The following EIF5 variants were observed in gnomAD, a reference collection of about 807,000 sequenced individuals.
EIF5 encodes the protein eukaryotic translation initiation factor 5.
In EIF5, 10 loss-of-function variants were observed where a neutral mutation model predicts 48.3. The observed-to-expected ratio is 0.21, with a 90% confidence interval of 0.13 to 0.35. The LOEUF (loss-of-function observed/expected upper bound fraction) is 0.35, where lower values mean the gene tolerates loss of function less well. Among genes scored for constraint, EIF5 ranks in the 10% least tolerant of loss-of-function variants. The pLI, the probability that EIF5 is intolerant of heterozygous loss-of-function variation, is 1.00. For synonymous variants in EIF5, 237 were observed against 173.1 expected (o/e 1.37, Z -2.90); for missense variants, 397 against 533.2 (o/e 0.74, Z 2.51).
intron 7 of EIF5, 126 bp from the exon 8 acceptor site, chr14:103,338,609 T>C: frequency 4.6e-6 from 7 of 1,506,052 alleles, no homozygotes; most frequent in Non-Finnish European, 6.2e-6. Flanking sequence ...TACTGTTTGT[T>C]GTTTGAATTA....
rs926934996 is a variant in EIF5 at position 103,344,319 on chromosome 14, A to T, written c.*3267A>T. On this transcript the variant is annotated 3_prime_UTR_variant, in exon 12 of 12. Coordinates refer to ENST00000216554, the MANE Select transcript of EIF5 (RefSeq NM_001969.5). ...GTTTTTATGGCCAGAAATTTTAAGGACTTGTGTGTGCTGGGATATGAGAAT... is the reference window on the plus strand; with the variant it reads ...GTTTTTATGGCCAGAAATTTTAAGGTCTTGTGTGTGCTGGGATATGAGAAT... 2 of 152,064 alleles carry T rather than the reference A, an allele frequency of 1.3e-5. No individual in the cohort carries two copies. The highest frequency in any genetic ancestry group is 4.8e-5 in the African/African-American group (2 of 41,386). 9.4% of individuals were successfully genotyped at this position (152,064 alleles called of 1,614,324 possible).
chr14:103,338,463 A>G lies in EIF5; in HGVS notation c.576A>G (p.Pro192=). 6.4e-7 allele frequency: 1 copy of G among 1,569,508 alleles called. No individual in the cohort carries two copies. The highest frequency in any genetic ancestry group is 8.6e-7 in the Non-Finnish European group (1 of 1,156,514). Residue 192 remains proline, a synonymous_variant, in exon 7 of 12, where the codon CCA becomes CCG. Coordinates refer to ENST00000216554, the MANE Select transcript of EIF5 (RefSeq NM_001969.5). ...CACCAAATGAAATTAATCCTCCTCC[A>G]CATACAATGGTGAGTGCAGGGTTGA... The part of the protein sequence containing the change: ...PPPPNEINPP[P]HTMEEEEDDD...
intron 10 of EIF5, 41 bp from the exon 11 acceptor site, chr14:103,340,386 T>C: frequency 1.3e-6 from 2 of 1,579,844 alleles, no homozygotes; most frequent in Middle Eastern, 3.4e-4. Flanking sequence ...CAAAAGTTGT[T>C]AAAATTCCTC....
chr14:103,337,560 C>T (rs1316605372), intron 6 of EIF5: 2 of 360,438 alleles, frequency 5.5e-6, no homozygotes, highest in East Asian at 6.7e-5. Flanking sequence ...TGAGATCGTG[C>T]CACTGCACTC....
intron 7 of EIF5, 40 bp from the exon 8 acceptor site, chr14:103,338,695 T>G: frequency 6.3e-7 from 1 of 1,593,340 alleles, no homozygotes. Context: ...TGTTGTTGTT[T>G]TTAAGGCCTT....
At chr14:103,338,504 T>A in intron 7 of EIF5, 32 bp downstream of exon 7, 1 of 1,543,764 alleles carries the variant, frequency 6.5e-7, no homozygotes, top group Non-Finnish European at 8.7e-7. Flanking sequence ...TAGTGGGCAC[T>A]AAAGTTGTGT....
rs537681270 is a variant in EIF5, at chr14:103,338,716, G to T, written c.586-19G>T. ...TGTTTTTAAGGCCTTTGATCAAGTA[G>T]CTCTGTTTTCATAAACAGGAAGAAG... is the stretch of plus-strand genomic sequence containing the variant. On this transcript the variant is annotated intron_variant, in intron 7 of 11. Coordinates refer to ENST00000216554, the MANE Select transcript of EIF5 (RefSeq NM_001969.5). 6.2e-7 allele frequency: 1 copy of T among 1,610,760 alleles called. No homozygotes were observed. Among genetic ancestry groups the T allele is most frequent in the African/African-American group, 1.3e-5 (1 of 74,830 alleles).
In EIF5 at chr14:103,341,197, C is replaced by G. The variant is rs2089349190; in HGVS notation, c.*145C>G. ...CTAAAAATCTATTACTGTGAGTGGT[C>G]TGTTATTAAGCCCAATGAGACATCT... On this transcript the variant is annotated 3_prime_UTR_variant, in exon 12 of 12. Coordinates refer to ENST00000216554, the MANE Select transcript of EIF5 (RefSeq NM_001969.5). The G allele has an allele frequency of 8.6e-6, 6 of 695,654 alleles. No homozygotes were observed. The highest frequency in any genetic ancestry group is 1.8e-5 in the African/African-American group (1 of 56,638). The allele number at this position is 695,654 out of a possible 1,614,324, so 43.1% of individuals were successfully genotyped here.
In EIF5 at chr14:103,340,463, G is replaced by A; in HGVS notation, c.1108G>A (p.Glu370Lys). Residue 370 changes from glutamate (E) to lysine (K), a missense_variant, in exon 11 of 12, where the codon GAG becomes AAG. Physicochemically the swap from Glu to Lys is moderately conservative, Grantham distance 56. This residue lies in a region of EIF5 where 160 missense variants were observed against 184.8 expected (regional missense o/e 0.87). Coordinates refer to ENST00000216554, the MANE Select transcript of EIF5 (RefSeq NM_001969.5). ...ATATGTCTCCAAAGAACTTGCCAAAGAGATTCGTGTCAAAGCAGAACCATT... is the reference window on the plus strand; with the variant it reads ...ATATGTCTCCAAAGAACTTGCCAAAAAGATTCGTGTCAAAGCAGAACCATT... ...KKYVSKELAK[E>K]IRVKAEPFIK... The A allele has an allele frequency of 1.2e-6, 2 of 1,608,896 alleles. No individual in the cohort carries two copies. The highest frequency in any genetic ancestry group is 1.7e-6 in the Non-Finnish European group (2 of 1,175,424).
At chr14:103,340,928 C>T in intron 11 of EIF5, 35 bp from the exon 12 acceptor site, 2 of 1,589,192 alleles carry the variant, frequency 1.3e-6, no homozygotes, top group Non-Finnish European at 8.6e-7. Flanking sequence ...ACAGATTTAT[C>T]AGCTTATGTT....
rs77923596 is a variant in EIF5, at chr14:103,337,238, C to G, written c.439+11C>G. On this transcript the variant is annotated intron_variant, in intron 6 of 11. Transcript: ENST00000216554. ...TCAAAAACCCACCTGGTGAGTCTTC[C>G]ATGATGAACTCCTAAGATCCTAAGA... 37,393 of 1,589,604 alleles carry G rather than the reference C, an allele frequency of 0.024. 515 individuals carry two copies. Among genetic ancestry groups the G allele is most frequent in the East Asian group, 0.032 (1,451 of 44,664 alleles).
chr14:103,341,093 A>G lies in EIF5; in HGVS notation c.*41A>G. 6.3e-7 allele frequency: 1 copy of G among 1,588,840 alleles called. No individual in the cohort carries two copies. The highest frequency in any genetic ancestry group is 8.6e-7 in the Non-Finnish European group (1 of 1,157,958). On this transcript the variant is annotated 3_prime_UTR_variant, in exon 12 of 12. Coordinates refer to ENST00000216554, the MANE Select transcript of EIF5 (RefSeq NM_001969.5). ...CTAGCTTAACAGTATAATGCTGCAA[A>G]TTTTCCTCCATTATCAGCCAGAAGT...
At chr14:103,336,605 C>A (rs1026039095) in intron 4 of EIF5, 72 bp from the exon 5 acceptor site, 1 of 1,421,762 alleles carries the variant, frequency 7.0e-7, no homozygotes, top group Non-Finnish European at 9.4e-7. Flanking sequence ...AAGTGGTGTT[C>A]GTACAAATGT....
rs1414586435 is a variant in EIF5, at chr14:103,340,440, A to G, written c.1085A>G (p.Tyr362Cys). The change falls in exon 11 of 12, where the codon TAT becomes TGT. Residue 362 changes from tyrosine to cysteine, a missense_variant. Around this residue, in one of 4 missense-constraint regions of EIF5, gnomAD observed 160 missense variants for 184.8 expected, o/e 0.87. Coordinates refer to ENST00000216554, the MANE Select transcript of EIF5 (RefSeq NM_001969.5). The part of the protein sequence containing the change: ...ISWSEKASKK[Y>C]VSKELAKEIR... ...CACATTTTTTAGGCCTCTAAGAAATATGTCTCCAAAGAACTTGCCAAAGAG... is the reference window on the plus strand; with the variant it reads ...CACATTTTTTAGGCCTCTAAGAAATGTGTCTCCAAAGAACTTGCCAAAGAG... 1 of 1,602,104 alleles carries G rather than the reference A, an allele frequency of 6.2e-7. No individual in the cohort carries two copies. Among genetic ancestry groups the G allele is most frequent in the Non-Finnish European group, 8.5e-7 (1 of 1,169,822 alleles).
rs2089361475 is a variant in EIF5, at chr14:103,342,178, A to G, written c.*1126A>G. The G allele has an allele frequency of 6.6e-6, 1 of 152,604 alleles. No individual in the cohort carries two copies. Among genetic ancestry groups the G allele is most frequent in the South Asian group, 2.1e-4 (1 of 4,830 alleles). 9.5% of individuals were successfully genotyped at this position (152,604 alleles called of 1,614,324 possible). ...TTCCAGAATGTCTTATTTAAAAAGA[A>G]AGCTAAAAGCATACTTCTAAGTCAG... On this transcript the variant is annotated 3_prime_UTR_variant, in exon 12 of 12. Transcript: ENST00000216554.
In EIF5 at chr14:103,341,182, A is replaced by G. The variant is rs948752254; in HGVS notation, c.*130A>G. ...ATGCTACACTTTACACTAAAAATCT[A>G]TTACTGTGAGTGGTCTGTTATTAAG... On this transcript the variant is annotated 3_prime_UTR_variant, in exon 12 of 12. Coordinates refer to ENST00000216554, the MANE Select transcript of EIF5 (RefSeq NM_001969.5). The G allele has an allele frequency of 1.2e-5, 9 of 772,154 alleles. No individual in the cohort carries two copies. The highest frequency in any genetic ancestry group is 2.7e-5 in the East Asian group (1 of 37,606). 47.8% of individuals were successfully genotyped at this position (772,154 alleles called of 1,614,324 possible).
rs2089396557 is a variant in EIF5, at chr14:103,344,900, T to C, written c.*3848T>C. The C allele has an allele frequency of 6.6e-6, 1 of 152,174 alleles. No individual in the cohort carries two copies. The highest frequency in any genetic ancestry group is 6.5e-5 in the Admixed American group (1 of 15,278). 9.4% of individuals were successfully genotyped at this position (152,174 alleles called of 1,614,324 possible). On this transcript the variant is annotated 3_prime_UTR_variant, in exon 12 of 12. Transcript: ENST00000216554. ...ATACACTGTTTACAAGAGCATCACC[T>C]AAAATGTGACAAAAGATGTTGAAAG...
chr14:103,338,205 T>C, intron 6 of EIF5, 122 bp from the exon 7 acceptor site: 1 of 1,336,126 alleles, frequency 7.5e-7, no homozygotes, highest in Non-Finnish European at 1.0e-6. Context: ...GCATTGTGTG[T>C]GCTGTGTGGT....
At chr14:103,337,411 C>G (rs1320516789) in intron 6 of EIF5, 184 bp downstream of exon 6, 7 of 565,176 alleles carry the variant, frequency 1.2e-5, no homozygotes, top group Non-Finnish European at 1.9e-5. Flanking sequence ...TCAAGACCAG[C>G]CTGGCCAACA....
Sources: gnomAD v4.1 joint callset for allele counts on GRCh38, gnomAD v4.1.1 for gene constraint, gnomAD v4.1.1 regional missense constraint, MANE v1.5 for transcripts, NCBI Gene and HGNC (gene_info 2026-07-23, HGNC 2026-07-21) for gene names.